USH2A: variants seen among roughly 807,000 people sequenced by gnomAD.
USH2A encodes Usher syndrome 2A (autosomal recessive, mild).
In USH2A, 443 loss-of-function variants were observed where a neutral mutation model predicts 538.9. The observed-to-expected ratio is 0.82, with a 90% CI of 0.76 to 0.89. The LOEUF (loss-of-function observed/expected upper bound fraction) is 0.89, where lower values mean the gene tolerates loss of function less well. Among genes scored for constraint, USH2A ranks in the 40% least tolerant of loss-of-function variants. USH2A has a pLI of 0.00. For synonymous variants in USH2A, 2,413 were observed against 2,273.5 expected (o/e 1.06, Z -1.75); for missense variants, 6,633 against 6,324.8 (o/e 1.05, Z -1.65).
At chr1:216,353,794 CA>C (rs1171198186) in intron 4 of USH2A, among the ~76,000 whole-genome samples, 6 of 152,050 alleles carry the variant, frequency 3.9e-5, no homozygotes, top group African/African-American at 1.4e-4. Context: ...ATCTAACAAC[CA>C]AAACAAGCCA....
intron 35 of USH2A, among the ~76,000 whole-genome samples, chr1:215,980,211 T>A (rs1667718343): frequency 6.6e-6 from 1 of 152,202 alleles, no homozygotes; most frequent in African/African-American, 2.4e-5. Context: ...AATCAAGTAC[T>A]ATTTAATCTT....
intron 36 of USH2A, among the ~76,000 whole-genome samples, chr1:215,967,380 G>T (rs1439753481): frequency 1.3e-5 from 2 of 152,044 alleles, no homozygotes; most frequent in Non-Finnish European, 2.9e-5. Flanking sequence ...TATTGGCCAG[G>T]CTGGTCTCGA....
intron 38 of USH2A, among the ~76,000 whole-genome samples, chr1:215,905,875 G>A (rs1169111638): frequency 6.6e-6 from 1 of 152,110 alleles, no homozygotes; most frequent in Non-Finnish European, 1.5e-5. Context: ...TAACATTAGA[G>A]AAACTGCGGC....
chr1:215,772,112 A>G (rs1225214418), intron 55 of USH2A, among the ~76,000 whole-genome samples: 2 of 152,198 alleles, frequency 1.3e-5, no homozygotes, highest in Non-Finnish European at 2.9e-5. Context: ...ATTTGCTGTC[A>G]TTTTAAGTAA....
chr1:216,231,272 A>T (rs376454531), intron 14 of USH2A, among the ~76,000 whole-genome samples: 470 of 42,150 alleles, frequency 0.011, no homozygotes, highest in East Asian at 0.036. Context: ...ATATATATAT[A>T]ATATATATAC....
intron 21 of USH2A, among the ~76,000 whole-genome samples, chr1:216,160,734 A>G (rs1430530844): frequency 6.6e-6 from 1 of 152,150 alleles, no homozygotes; most frequent in East Asian, 1.9e-4. Flanking sequence ...CAACACTTAT[A>G]AAATGTCACA....
At chr1:215,805,135 G>A (rs2102785129) in intron 49 of USH2A, among the ~76,000 whole-genome samples, 1 of 152,206 alleles carries the variant, frequency 6.6e-6, no homozygotes, top group Non-Finnish European at 1.5e-5. Context: ...GGCCTGTTGT[G>A]GGGTGGGGAG....
intron 32 of USH2A, among the ~76,000 whole-genome samples, chr1:216,008,537 C>T (rs1005527140): frequency 1.4e-4 from 22 of 152,290 alleles, no homozygotes; most frequent in Non-Finnish European, 2.9e-4. Flanking sequence ...GTGGTCTCTT[C>T]ACATGGACGC....
At chr1:216,123,357 G>A (rs1435638245) in intron 21 of USH2A, among the ~76,000 whole-genome samples, 1 of 152,134 alleles carries the variant, frequency 6.6e-6, no homozygotes, top group Non-Finnish European at 1.5e-5. Flanking sequence ...TGCTGATCAG[G>A]CAATCAATGC....
At chr1:216,096,846 G>A (rs2032452262) in intron 22 of USH2A, among the ~76,000 whole-genome samples, 1 of 152,162 alleles carries the variant, frequency 6.6e-6, no homozygotes, top group Non-Finnish European at 1.5e-5. Flanking sequence ...TGGTTGTTAA[G>A]CCCACAGATT....
chr1:215,668,877 A>G lies in USH2A; in HGVS notation c.14133+2095T>C, dbSNP rs185273999. Among the ~76,000 whole-genome samples, 7 of 151,688 alleles carry G rather than the reference A, an allele frequency of 4.6e-5. No individual in the cohort carries two copies. The East Asian group carries it at 7.7e-4, about 17-fold the overall frequency. ...AAAACCCTGTCTCTACTAAAAATAC[A>G]AAAAAACATTAGCCTGGTGTGGTGG... On this transcript the variant is annotated intron_variant, in intron 64 of 71. Coordinates refer to ENST00000307340, the MANE Select transcript of USH2A (RefSeq NM_206933.4).
chr1:215,811,301 G>A (rs1662668756), intron 49 of USH2A, among the ~76,000 whole-genome samples: 1 of 152,170 alleles, frequency 6.6e-6, no homozygotes, highest in Non-Finnish European at 1.5e-5. Flanking sequence ...GGTGTTCATG[G>A]CACCAGAGGC....
chr1:216,185,649 T>G (rs1017170571), intron 20 of USH2A, among the ~76,000 whole-genome samples: 1 of 151,898 alleles, frequency 6.6e-6, no homozygotes, highest in African/African-American at 2.4e-5. Context: ...ATTGCAATGT[T>G]AATAGTAGAA....
Position 216,046,431 on chromosome 1 carries a change from C to T in USH2A, c.6325G>A (p.Asp2109Asn), listed in dbSNP as rs759545289. The change falls in exon 32 of 72, where the codon GAT (aspartate) becomes AAT (asparagine). Residue 2109 changes from aspartate to asparagine, a missense_variant and splice_region_variant. Coordinates refer to ENST00000307340, the MANE Select transcript of USH2A (RefSeq NM_206933.4). Reference sequence around the variant, plus strand: ...TCGCTGATAACTCTAGAGGTCTTACCTGTGACTATGTAGTTCTCCTCACTG... The same window carrying T: ...TCGCTGATAACTCTAGAGGTCTTACTTGTGACTATGTAGTTCTCCTCACTG... ...SGSEENYIVT[D>N]LAVFTPHQFL... The T allele has an allele frequency of 8.1e-6, 13 of 1,613,254 alleles. No individual in the cohort carries two copies. Among genetic ancestry groups the T allele is most frequent in the Non-Finnish European group, 1.1e-5 (13 of 1,179,516 alleles).
intron 61 of USH2A, among the ~76,000 whole-genome samples, chr1:215,690,824 TCTA>T (rs1658578338): frequency 1.3e-5 from 2 of 152,132 alleles, no homozygotes; most frequent in African/African-American, 2.4e-5. Flanking sequence ...TCACACCACA[TCTA>T]CTACTACCAC....
rs1338175918 is a variant in USH2A at position 215,879,038 on chromosome 1, G to GCAT, written c.8281_8283dup (p.Met2761dup). ...TTGGTTAAAGTGATGTGAGGGTCAG[G>GCAT]CATGTGAATCTCATAGCTAAGTATG... On this transcript the variant is annotated inframe_insertion, in exon 42 of 72. Transcript: ENST00000307340. 2 of 1,613,912 alleles carry GCAT rather than the reference G, an allele frequency of 1.2e-6. No individual in the cohort carries two copies. Among genetic ancestry groups the GCAT allele is most frequent in the Non-Finnish European group, 1.7e-6 (2 of 1,179,966 alleles).
At chr1:216,120,356 G>A (rs942081844) in intron 21 of USH2A, among the ~76,000 whole-genome samples, 1 of 140,068 alleles carries the variant, frequency 7.1e-6, no homozygotes, top group African/African-American at 2.5e-5. Context: ...CCAACACGGT[G>A]AAACCCCGTC....
intron 61 of USH2A, among the ~76,000 whole-genome samples, chr1:215,692,125 A>T (rs535866927): frequency 6.6e-6 from 1 of 152,298 alleles, no homozygotes; most frequent in South Asian, 2.1e-4. Context: ...AATGTTAAGG[A>T]AGCTGTGCAT....
intron 32 of USH2A, among the ~76,000 whole-genome samples, chr1:216,044,138 GAACA>G (rs959662703): frequency 6.6e-6 from 1 of 152,004 alleles, no homozygotes; most frequent in African/African-American, 2.4e-5. Flanking sequence ...GCAAACCGAT[GAACA>G]AACAAACAGT....
Sources: allele counts gnomAD v4.1 joint callset (sites outside exome capture counted in the v4.1 genomes callset), GRCh38; gene constraint gnomAD v4.1.1; transcripts MANE v1.5; gene names NCBI Gene and HGNC (gene_info 2026-07-23, HGNC 2026-07-21).